RUFY4: variants seen among roughly 807,000 people sequenced by gnomAD.
RUFY4 encodes the protein RUN and FYVE domain containing 4.
In RUFY4, 73 loss-of-function variants were observed where a neutral mutation model predicts 69.0. That is an observed-to-expected ratio of 1.06 (90% confidence interval 0.88 to 1.29). RUFY4 has a LOEUF of 1.29. Among genes scored for constraint, RUFY4 ranks in the 50% most tolerant of loss-of-function variants. The pLI, the probability that RUFY4 is intolerant of heterozygous loss-of-function variation, is 0.00. For missense variants in RUFY4, 770 were observed against 705.6 expected, an observed-to-expected ratio of 1.09 and a Z score of -1.03; for synonymous variants, 287 against 271.8, an observed-to-expected ratio of 1.06 and a Z score of -0.55.
intron 9 of RUFY4, among the ~76,000 whole-genome samples, chr2:218,087,824 G>T (rs879006054): frequency 2.0e-5 from 3 of 151,716 alleles, no homozygotes; most frequent in African/African-American, 7.3e-5. Flanking sequence ...GGAAGACTCT[G>T]TCTCAAAAAG....
chr2:218,073,763 C>A lies in RUFY4; in HGVS notation c.531-53C>A. 4 of 1,601,074 alleles carry A rather than the reference C, an allele frequency of 2.5e-6. 1 individual carries two copies. The South Asian group carries it at 3.3e-5, about 13-fold the overall frequency. On this transcript the variant is annotated intron_variant, in intron 5 of 10. Transcript: ENST00000344321. ...GATGGGATACCCTCCATCTGAGGAC[C>A]AAGCCCAACACTGAAGAGAGGCCCA...
intron 2 of RUFY4, chr2:218,058,500 G>A (rs1282570467): frequency 6.6e-6 from 1 of 152,114 alleles, no homozygotes; most frequent in East Asian, 1.9e-4. Flanking sequence ...TTTCCTTAGA[G>A]TTTGCACATA....
chr2:218,079,083 G>A lies in RUFY4; in HGVS notation c.1355+2550G>A, dbSNP rs1217925733. Among the ~76,000 whole-genome samples the A allele has an allele frequency of 2.0e-5, 3 of 152,276 alleles. No individual in the cohort carries two copies. The East Asian group carries it at 5.8e-4, about 29-fold the overall frequency. ...GGGGTTTCATCATGTTGGCCAGGCT[G>A]GTCTCAAACTCCTGACCTCAGGTGA... On this transcript the variant is annotated intron_variant, in intron 8 of 10. Transcript: ENST00000344321.
At chr2:218,046,719 T>C (rs1319335954) in intron 2 of RUFY4, among the ~76,000 whole-genome samples, 1 of 152,220 alleles carries the variant, frequency 6.6e-6, no homozygotes, top group Non-Finnish European at 1.5e-5. Flanking sequence ...ATGACAAATA[T>C]AACTTAGAGA....
At chr2:218,073,638 G>C (rs1206632762) in intron 5 of RUFY4, among the ~76,000 whole-genome samples, 178 bp from the exon 8 acceptor site, 1 of 152,144 alleles carries the variant, frequency 6.6e-6, no homozygotes, top group African/African-American at 2.4e-5. Context: ...ATGGATAGCT[G>C]GATGCTAGGA....
intron 9 of RUFY4, among the ~76,000 whole-genome samples, chr2:218,088,928 C>G (rs1241537505): frequency 1.4e-5 from 2 of 147,628 alleles, no homozygotes; most frequent in Admixed American, 6.7e-5. Context: ...TCTCTCCAAT[C>G]CTCTCTCTCT....
upstream of RUFY4, among the ~76,000 whole-genome samples, chr2:218,065,358 G>C (rs912068097): frequency 6.6e-5 from 10 of 152,252 alleles, no homozygotes; most frequent in Admixed American, 6.5e-4. Flanking sequence ...CGAGGAAGGA[G>C]GAAGGGCTTG....
At chr2:218,066,060 C>A (rs1024985280), upstream of RUFY4, among the ~76,000 whole-genome samples, 6 of 152,056 alleles carry the variant, frequency 3.9e-5, no homozygotes, top group Non-Finnish European at 7.4e-5. Context: ...AGGGCCAGGA[C>A]CCCATAGAAG....
chr2:218,075,380 G>A (rs1156350489), exon 7 of RUFY4: 6 of 1,613,252 alleles, frequency 3.7e-6, no homozygotes, highest in South Asian at 1.1e-5. Flanking sequence ...CCAGCACCCA[G>A]GGACAGGGGA....
intron 2 of RUFY4, among the ~76,000 whole-genome samples, chr2:218,047,093 T>A (rs73082342): frequency 0.08 from 11,988 of 150,620 alleles, 1,481 homozygotes; most frequent in African/African-American, 0.27. Context: ...AAGATTACAC[T>A]TTTCTTCAAT....
intron 8 of RUFY4, among the ~76,000 whole-genome samples, chr2:218,081,616 T>G (rs1197417789): frequency 6.6e-6 from 1 of 152,184 alleles, no homozygotes; most frequent in Non-Finnish European, 1.5e-5. Context: ...CAGAGACACA[T>G]GTACACACCA....
At chr2:218,055,882 A>G (rs1444190694) in intron 2 of RUFY4, among the ~76,000 whole-genome samples, 8 of 152,188 alleles carry the variant, frequency 5.3e-5, no homozygotes. Context: ...ATATGGTAAT[A>G]CGACTCCTAC....
At chr2:218,073,981 A>G (rs759856257) in intron 6 of RUFY4, 96 bp downstream of exon 8, 4 of 1,235,780 alleles carry the variant, frequency 3.2e-6, no homozygotes, top group Middle Eastern at 1.9e-4. Context: ...CCGAGTGTAC[A>G]GAGAGCCCTG....
Position 218,060,559 on chromosome 2 carries a change from C to A in RUFY4, c.-1071+1878C>A, listed in dbSNP as rs887552641. Reference sequence around the variant, plus strand: ...CAGGGCCTGGTTGATGTCGTTGCGGCGCTCACAGGTCTCATTGGTCATCTG... The same window carrying A: ...CAGGGCCTGGTTGATGTCGTTGCGGAGCTCACAGGTCTCATTGGTCATCTG... On this transcript the variant is annotated intron_variant and NMD_transcript_variant, in intron 3 of 13. Coordinates refer to the RUFY4 transcript ENST00000457754. 4.6e-6 allele frequency: 6 copies of A among 1,304,940 alleles called. No homozygotes were observed. In the Admixed American group the frequency reaches 1.0e-4, roughly 22 times the overall value. 80.8% of individuals were successfully genotyped at this position (1,304,940 alleles called of 1,614,324 possible).
rs767229733 is a variant in RUFY4, at chr2:218,052,745, T to TAAA, written c.-1157-5842_-1157-5840dup. ...ACCTCTATCTCACTTTTTTTTTTTT[T>TAAA]AAAAAAAAAAGATAACGTCTTGTGT... On this transcript the variant is annotated intron_variant and NMD_transcript_variant, in intron 2 of 13. Transcript: ENST00000457754. Among the ~76,000 whole-genome samples, 44 of 144,800 alleles carry TAAA rather than the reference T, an allele frequency of 3.0e-4. 1 individual carries two copies. Among genetic ancestry groups the TAAA allele is most frequent in the African/African-American group, 1.0e-4 (4 of 38,586 alleles). 95.0% of individuals were successfully genotyped at this position (144,800 alleles called of 152,430 possible). A position where few individuals can be genotyped will look rare whatever the true frequency, so the allele number is the denominator to read the frequency against.
chr2:218,088,788 C>G (rs1689954526), intron 9 of RUFY4, among the ~76,000 whole-genome samples: 1 of 152,130 alleles, frequency 6.6e-6, no homozygotes, highest in Admixed American at 6.5e-5. Flanking sequence ...GTCTCTTTCT[C>G]TATCTCTCCA....
chr2:218,087,699 C>T (rs1187360149), intron 9 of RUFY4, among the ~76,000 whole-genome samples: 3 of 152,086 alleles, frequency 2.0e-5, no homozygotes, highest in African/African-American at 4.8e-5. Context: ...CATGGTGGCA[C>T]ATGCCTGTAA....
Position 218,072,857 on chromosome 2 carries a change from C to T in RUFY4, c.358C>T (p.Leu120Phe), listed in dbSNP as rs747462565. The change falls in exon 4 of 11, where the codon CTT (leucine) becomes TTT (phenylalanine). Residue 120 changes from leucine (L) to phenylalanine (F), a missense_variant. Leu to Phe is a conservative substitution (Grantham distance 22, BLOSUM62 0). Transcript: ENST00000344321. Reference sequence around the variant, plus strand: ...TGGGCAGCTGGCTGAGGCCCTGCAGCTTTGCCTCCTGAACTCAGAGCTCAC... The same window carrying T: ...TGGGCAGCTGGCTGAGGCCCTGCAGTTTTGCCTCCTGAACTCAGAGCTCAC... 14 of 1,535,788 alleles carry T rather than the reference C, an allele frequency of 9.1e-6. No homozygotes were observed. The South Asian group carries it at 1.4e-4, about 16-fold the overall frequency.
chr2:218,079,424 A>G (rs1015901376), intron 8 of RUFY4, among the ~76,000 whole-genome samples: 1 of 152,244 alleles, frequency 6.6e-6, no homozygotes, highest in Non-Finnish European at 1.5e-5. Context: ...CTGGAAAGCT[A>G]GAGTCACCAT....
Sources: gnomAD v4.1 joint callset for allele counts (sites outside exome capture counted in the v4.1 genomes callset) on GRCh38, gnomAD v4.1.1 for gene constraint, MANE v1.5 for transcripts, NCBI Gene and HGNC (gene_info 2026-07-23, HGNC 2026-07-21) for gene names.